KIF20B: variants seen among roughly 807,000 people sequenced by gnomAD.
KIF20B encodes the protein kinesin family member 20B.
Under a neutral mutation model 232.5 loss-of-function variants are expected in KIF20B, and 188 were observed. The observed-to-expected ratio is 0.81, with a 90% confidence interval of 0.72 to 0.91. The LOEUF is 0.91. Among genes scored for constraint, KIF20B ranks in the 40% least tolerant of loss-of-function variants. The probability of loss-of-function intolerance (pLI) is 0.00; values close to 1 mark genes in which losing one functional copy is unlikely to be tolerated. For missense variants in KIF20B, 2,154 were observed against 2,055.9 expected (o/e 1.05, Z -0.92); for synonymous variants, 712 against 683.0 (o/e 1.04, Z -0.66).
chr10:89,725,283 A>G, intron 15 of KIF20B, 125 bp downstream of exon 15: 1 of 873,712 alleles, frequency 1.1e-6, no homozygotes, highest in Non-Finnish European at 1.7e-6. Context: ...GTGTAGCTTT[A>G]TTATAATTAG....
At chr10:89,712,806 TTATTC>T (rs1370992410) in intron 6 of KIF20B, among the ~76,000 whole-genome samples, 11 of 152,348 alleles carry the variant, frequency 7.2e-5, no homozygotes, top group Non-Finnish European at 1.5e-4. Flanking sequence ...TTTTCAGACA[TTATTC>T]TATTCAAGGC....
intron 32 of KIF20B, 47 bp downstream of exon 32, chr10:89,772,878 T>C: frequency 6.7e-7 from 1 of 1,484,156 alleles, no homozygotes. Flanking sequence ...GTTCGTGTTC[T>C]TTTTAATTTT....
intron 18 of KIF20B, among the ~76,000 whole-genome samples, chr10:89,731,853 T>TA (rs2133117727): frequency 6.6e-6 from 1 of 152,346 alleles, no homozygotes; most frequent in South Asian, 2.1e-4. Flanking sequence ...TGTTTAGAGA[T>TA]ACTAGAAAAA....
chr10:89,728,981 T>A, intron 17 of KIF20B, 147 bp from the exon 18 acceptor site: 1 of 560,122 alleles, frequency 1.8e-6, no homozygotes, highest in Non-Finnish European at 2.6e-6. Context: ...AATAAGATCA[T>A]GCTGTGCATA....
Position 89,715,154 on chromosome 10 carries a change from A to G in KIF20B, c.912A>G (p.Gln304=). Residue 304 remains glutamine, a synonymous_variant, in exon 8 of 33, where the codon CAA becomes CAG. Coordinates refer to ENST00000371728, the MANE Select transcript of KIF20B (RefSeq NM_001284259.2). ...AGAGAAAGATGCTGCGCCTTTCCCA[A>G]GACGTAAAGGGCTATTCTTTTATAA... ...FQKRKMLRLS[Q]DVKGYSFIKD... The G allele has an allele frequency of 6.2e-7, 1 of 1,601,778 alleles. No homozygotes were observed. The highest frequency in any genetic ancestry group is 1.1e-5 in the South Asian group (1 of 87,998).
At chr10:89,763,205 C>T (rs965617953) in intron 29 of KIF20B, among the ~76,000 whole-genome samples, 1 of 152,142 alleles carries the variant, frequency 6.6e-6, no homozygotes. Context: ...AACTTGAACC[C>T]AGGAAGTGGA....
intron 8 of KIF20B, among the ~76,000 whole-genome samples, chr10:89,715,876 A>G (rs1842924834): frequency 6.8e-6 from 1 of 147,128 alleles, no homozygotes; most frequent in African/African-American, 2.4e-5. Flanking sequence ...CTGTAGTCCC[A>G]GCTACTCAGG....
chr10:89,705,558 G>GT, intron 2 of KIF20B, 117 bp downstream of exon 2: 2 of 828,754 alleles, frequency 2.4e-6, no homozygotes, highest in East Asian at 5.8e-5. Flanking sequence ...GCTAAGAATT[G>GT]TTTTTATATT....
chr10:89,742,117 G>T (rs574858540), intron 21 of KIF20B, among the ~76,000 whole-genome samples: 12 of 152,268 alleles, frequency 7.9e-5, no homozygotes, highest in Admixed American at 7.8e-4. Context: ...TTCCATCTGT[G>T]AAATTGCGAA....
intron 1 of KIF20B, 69 bp from the exon 2 acceptor site, chr10:89,705,225 T>G (rs1842697159): frequency 1.4e-6 from 2 of 1,396,180 alleles, no homozygotes; most frequent in South Asian, 1.2e-5. Flanking sequence ...GGGCTAGACT[T>G]TTGAAAGTGT....
At chr10:89,746,580 G>C (rs1385275767) in intron 23 of KIF20B, among the ~76,000 whole-genome samples, 1 of 152,202 alleles carries the variant, frequency 6.6e-6, no homozygotes, top group African/African-American at 2.4e-5. Flanking sequence ...TGTAGGCACA[G>C]GATGGGGGCG....
At chr10:89,764,356 T>A (rs1016605255) in intron 29 of KIF20B, among the ~76,000 whole-genome samples, 1 of 152,154 alleles carries the variant, frequency 6.6e-6, no homozygotes, top group African/African-American at 2.4e-5. Context: ...ACAATAAACA[T>A]ATGTGTGCAT....
intron 8 of KIF20B, among the ~76,000 whole-genome samples, chr10:89,715,920 G>C (rs1392126045): frequency 6.6e-6 from 1 of 152,104 alleles, no homozygotes; most frequent in Non-Finnish European, 1.5e-5. Context: ...GAGCCTAGGA[G>C]GTCAAGGCTG....
intron 19 of KIF20B, 161 bp downstream of exon 19, chr10:89,733,217 G>A (rs1424124060): frequency 3.1e-6 from 2 of 646,414 alleles, no homozygotes; most frequent in African/African-American, 1.8e-5. Context: ...ATTTTCTAGG[G>A]ATGGGCATAG....
chr10:89,737,839 C>A lies in KIF20B; in HGVS notation c.2998C>A (p.Gln1000Lys). 1 of 1,613,482 alleles carries A rather than the reference C, an allele frequency of 6.2e-7. No homozygotes were observed. The highest frequency in any genetic ancestry group is 1.1e-5 in the South Asian group (1 of 91,054). ...DELRTLDSVS[Q>K]ISNIDLLNLR... ...ACTACGTACTCTTGATTCAGTTTCTCAGATTTCAAACATAGATTTGCTCAA... is the reference window on the plus strand; with the variant it reads ...ACTACGTACTCTTGATTCAGTTTCTAAGATTTCAAACATAGATTTGCTCAA... Residue 1000 changes from glutamine (Q) to lysine (K), a missense_variant, in exon 20 of 33, where the codon CAG (glutamine) becomes AAG (lysine). Gln to Lys is a moderately conservative substitution (Grantham distance 53). Transcript: ENST00000371728.
At chr10:89,767,944 T>A (rs1842396247) in intron 29 of KIF20B, among the ~76,000 whole-genome samples, 1 of 152,046 alleles carries the variant, frequency 6.6e-6, no homozygotes, top group Non-Finnish European at 1.5e-5. Flanking sequence ...TTGTGATATG[T>A]TTGAAAAATT....
chr10:89,737,756 C>CAA lies in KIF20B; in HGVS notation c.2916_2917dup (p.Arg973LysfsTer11), dbSNP rs1564666784. ...TTGTCAAATGAGATAGAAACTGCTA[C>CAA]AAGAAGCATTACAAATAATGTTTCA... On this transcript the variant is annotated frameshift_variant, in exon 20 of 33. Transcript: ENST00000371728. LOFTEE classifies it high-confidence loss of function. 5 of 1,611,454 alleles carry CAA rather than the reference C, an allele frequency of 3.1e-6. No homozygotes were observed. In the South Asian group the frequency reaches 5.5e-5, roughly 18 times the overall value.
At chr10:89,757,040 G>GTGTGTATATATATA (rs1301847520) in intron 26 of KIF20B, among the ~76,000 whole-genome samples, 130 of 110,736 alleles carry the variant, frequency 1.2e-3, no homozygotes, top group African/African-American at 3.2e-3. Context: ...GTGTGTGTGT[G>GTGTGTATATATATA]TATATATATA....
intron 26 of KIF20B, 82 bp from the exon 27 acceptor site, chr10:89,758,624 G>A (rs1178513635): frequency 1.1e-6 from 1 of 936,496 alleles, no homozygotes; most frequent in Non-Finnish European, 1.5e-6. Context: ...TATTTATGGT[G>A]TTACATATAA....
Sources: gnomAD v4.1 joint callset for allele counts (sites outside exome capture counted in the v4.1 genomes callset) on GRCh38, gnomAD v4.1.1 for gene constraint, MANE v1.5 for transcripts, NCBI Gene and HGNC (gene_info 2026-07-23, HGNC 2026-07-21) for gene names.